Variants in NODAL observed in about 807,000 individuals in gnomAD.
The protein encoded by NODAL is nodal growth differentiation factor.
Under a neutral mutation model 34.0 loss-of-function variants are expected in NODAL, and 12 were observed. The ratio of observed to expected loss-of-function variants is 0.35; its 90% confidence interval spans 0.23 to 0.57. The LOEUF (loss-of-function observed/expected upper bound fraction) is 0.57, where lower values mean the gene tolerates loss of function less well. Among genes scored for constraint, NODAL ranks in the 20% least tolerant of loss-of-function variants. The pLI is 0.83. For missense variants in NODAL, 390 were observed against 444.2 expected (o/e 0.88, Z 1.10); for synonymous variants, 162 against 186.4 (o/e 0.87, Z 1.07).
At chr10:70,440,084 A>G (rs1845409069) in intron 1 of NODAL, among the ~76,000 whole-genome samples, 1 of 152,140 alleles carries the variant, frequency 6.6e-6, no homozygotes, top group East Asian at 1.9e-4. Flanking sequence ...AGAAAAAACA[A>G]ACAAACAAAA....
chr10:70,440,655 G>C (rs1199896362), intron 1 of NODAL, among the ~76,000 whole-genome samples: 1 of 152,184 alleles, frequency 6.6e-6, no homozygotes, highest in East Asian at 1.9e-4. Context: ...CCTGCTCGCC[G>C]CGCTGGGTGC....
In NODAL at chr10:70,435,124, C is replaced by T. The variant is rs183412267; in HGVS notation, c.891+162G>A. Reference sequence around the variant, plus strand: ...ACAGGCTCTATAAGGATGTTACACTCGGTCATCTCTACATGCCTGGTACCT... The same window carrying T: ...ACAGGCTCTATAAGGATGTTACACTTGGTCATCTCTACATGCCTGGTACCT... On this transcript the variant is annotated intron_variant, in intron 2 of 2. Coordinates refer to ENST00000287139, the MANE Select transcript of NODAL (RefSeq NM_018055.5). The T allele has an allele frequency of 4.7e-4, 311 of 661,600 alleles. 2 individuals carry two copies. The highest frequency in any genetic ancestry group is 1.3e-4 in the Non-Finnish European group (49 of 379,348). 41.0% of individuals were successfully genotyped at this position (661,600 alleles called of 1,614,324 possible).
At chr10:70,436,086 T>C (rs762468586) in intron 1 of NODAL, 103 bp from the exon 2 acceptor site, 16 of 970,744 alleles carry the variant, frequency 1.6e-5, no homozygotes, top group African/African-American at 3.2e-5. Flanking sequence ...CCTTACCTTA[T>C]ATAGAATTAC....
Position 70,435,289 on chromosome 10 carries a change from GATGT to G in NODAL, c.884_887del (p.Tyr295SerfsTer5). On this transcript the variant is annotated frameshift_variant, in exon 2 of 3. Coordinates refer to ENST00000287139, the MANE Select transcript of NODAL (RefSeq NM_018055.5). LOFTEE classifies it high-confidence loss of function. ...CCCCTCACGCCTGGCATCCCACCTG[GATGT>G]ATGCATGGTTGGTCGGATGAAACTC... 1 of 1,608,762 alleles carries G rather than the reference GATGT, an allele frequency of 6.2e-7. No homozygotes were observed. Among genetic ancestry groups the G allele is most frequent in the East Asian group, 2.2e-5 (1 of 44,704 alleles).
chr10:70,434,789 A>G (rs770059712), intron 2 of NODAL: 10 of 168,092 alleles, frequency 5.9e-5, no homozygotes, highest in Non-Finnish European at 9.2e-5. Flanking sequence ...ACTGCTTTAC[A>G]TGCCATGTGC....
rs1269719287 is a variant in NODAL at position 70,435,512 on chromosome 10, G to T, written c.665C>A (p.Ala222Asp). 1 of 1,614,010 alleles carries T rather than the reference G, an allele frequency of 6.2e-7. No individual in the cohort carries two copies. Among genetic ancestry groups the T allele is most frequent in the Admixed American group, 1.7e-5 (1 of 60,020 alleles). Residue 222 changes from alanine to aspartate, a missense_variant, in exon 2 of 3, where the codon GCC becomes GAC. Transcript: ENST00000287139. ...LLWEAESSWRAQEGQLSWEWG... is the reference protein window; with the variant it reads ...LLWEAESSWRDQEGQLSWEWG... Reference sequence around the variant, plus strand: ...CTCCCAGGACAGCTGTCCCTCCTGGGCCCGCCAGGAGCTCTCGGCTTCCCA... The same window carrying T: ...CTCCCAGGACAGCTGTCCCTCCTGGTCCCGCCAGGAGCTCTCGGCTTCCCA...
chr10:70,433,177 G>T, intron 2 of NODAL, 89 bp from the exon 3 acceptor site: 1 of 1,477,996 alleles, frequency 6.8e-7, no homozygotes, highest in Non-Finnish European at 9.4e-7. Context: ...AAGTTACGGA[G>T]TTAAAGTCAG....
chr10:70,447,231 G>A (rs1046117742), intron 1 of NODAL, among the ~76,000 whole-genome samples: 2 of 152,010 alleles, frequency 1.3e-5, no homozygotes, highest in African/African-American at 4.8e-5. Context: ...GTGCCACCAG[G>A]CCTGGCTAAT....
chr10:70,445,493 T>C (rs7072889), upstream of NODAL, among the ~76,000 whole-genome samples: 134,293 of 152,172 alleles, frequency 0.88, 59,653 homozygotes, highest in Middle Eastern at 0.95. Flanking sequence ...CTCCTGATCT[T>C]GTGATCCACC....
At chr10:70,444,167 A>G (rs529560236), upstream of NODAL, among the ~76,000 whole-genome samples, 60 of 152,140 alleles carry the variant, frequency 3.9e-4, no homozygotes, top group African/African-American at 1.3e-3. Context: ...ACCTGACCTC[A>G]GGCGATCCAC....
At chr10:70,442,914 C>T (rs1845448183), upstream of NODAL, among the ~76,000 whole-genome samples, 2 of 152,074 alleles carry the variant, frequency 1.3e-5, no homozygotes, top group African/African-American at 4.8e-5. Context: ...GAAACCCTGT[C>T]TCTACCCAAA....
At chr10:70,439,647 A>C (rs1845403432) in intron 1 of NODAL, among the ~76,000 whole-genome samples, 1 of 152,236 alleles carries the variant, frequency 6.6e-6, no homozygotes, top group Admixed American at 6.5e-5. Flanking sequence ...CTTATTCTAA[A>C]TAAACCCAAG....
chr10:70,432,866 T>G lies in NODAL; in HGVS notation c.*70A>C, dbSNP rs1845285820. The stretch of plus-strand genomic sequence containing the variant: ...TGTTTCTCCTTACTGGATTAGATGG[T>G]TATCATGTCTTCCAGGAGTTTCCCA... On this transcript the variant is annotated 3_prime_UTR_variant, in exon 3 of 3. Transcript: ENST00000287139. 8.3e-6 allele frequency: 13 copies of G among 1,573,306 alleles called. No individual in the cohort carries two copies. The highest frequency in any genetic ancestry group is 1.1e-5 in the Non-Finnish European group (13 of 1,144,238).
intron 2 of NODAL, among the ~76,000 whole-genome samples, chr10:70,434,659 G>A (rs530519171): frequency 6.6e-6 from 1 of 152,316 alleles, no homozygotes; most frequent in African/African-American, 2.4e-5. Flanking sequence ...CACCGCACCT[G>A]GCTGGCCTTG....
At chr10:70,436,109 A>G in intron 1 of NODAL, 126 bp from the exon 2 acceptor site, 1 of 790,754 alleles carries the variant, frequency 1.3e-6, no homozygotes, top group Non-Finnish European at 2.2e-6. Context: ...TCGAATTCTC[A>G]CCCCAACTCT....
At chr10:70,439,066 G>A (rs1845393045) in intron 1 of NODAL, among the ~76,000 whole-genome samples, 1 of 151,896 alleles carries the variant, frequency 6.6e-6, no homozygotes, top group African/African-American at 2.4e-5. Context: ...GTGCAGTGGT[G>A]CGATCTCAGC....
At chr10:70,441,380 GC>G in intron 1 of NODAL, 94 bp downstream of exon 1, 9 of 1,400,048 alleles carry the variant, frequency 6.4e-6, no homozygotes, top group Non-Finnish European at 8.7e-6. Flanking sequence ...CGGAGCCGCA[GC>G]CCCCAACCCA....
At chr10:70,443,366 A>G (rs1192105158), upstream of NODAL, among the ~76,000 whole-genome samples, 1 of 152,118 alleles carries the variant, frequency 6.6e-6, no homozygotes, top group East Asian at 1.9e-4. Flanking sequence ...TACCATCATC[A>G]TCGTTGGAAC....
intron 1 of NODAL, among the ~76,000 whole-genome samples, chr10:70,439,037 G>C (rs886767680): frequency 2.0e-5 from 3 of 151,300 alleles, no homozygotes; most frequent in African/African-American, 7.3e-5. Context: ...ATGGAGTCTC[G>C]CTCTGTGGCC....
Sources: gnomAD v4.1 joint callset for allele counts (sites outside exome capture counted in the v4.1 genomes callset) on GRCh38, gnomAD v4.1.1 for gene constraint, MANE v1.5 for transcripts, NCBI Gene and HGNC (gene_info 2026-07-23, HGNC 2026-07-21) for gene names.